Variants in TSKU observed in about 807,000 individuals in gnomAD.
TSKU encodes the protein tsukushi.
In TSKU, 4 loss-of-function variants were observed where a neutral mutation model predicts 11.2. The observed-to-expected ratio is 0.36, with a 90% CI of 0.18 to 0.82. The LOEUF (loss-of-function observed/expected upper bound fraction) is 0.82. Among genes scored for constraint, TSKU ranks in the 40% least tolerant of loss-of-function variants. TSKU has a pLI of 0.50. For synonymous variants in TSKU, 220 were observed against 232.2 expected, an observed-to-expected ratio of 0.95 and a Z score of 0.48; for missense variants, 407 against 482.5, an observed-to-expected ratio of 0.84 and a Z score of 1.47.
chr11:76,791,099 G>A (rs889019541), intron 1 of TSKU, among the ~76,000 whole-genome samples: 2 of 152,196 alleles, frequency 1.3e-5, no homozygotes, highest in African/African-American at 4.8e-5. Context: ...GCAGCAATTT[G>A]CTCCTGCCCT....
intron 1 of TSKU, among the ~76,000 whole-genome samples, chr11:76,790,798 G>T (rs971268243): frequency 6.6e-6 from 1 of 152,164 alleles, no homozygotes; most frequent in African/African-American, 2.4e-5. Flanking sequence ...GACTAATACA[G>T]TAAATTGGTA....
At chr11:76,793,358 C>A (rs1183004262) in intron 1 of TSKU, among the ~76,000 whole-genome samples, 1 of 152,204 alleles carries the variant, frequency 6.6e-6, no homozygotes, top group African/African-American at 2.4e-5. Context: ...GCAGAAATTG[C>A]CACCCTGTAG....
intron 1 of TSKU, among the ~76,000 whole-genome samples, chr11:76,793,981 G>A (rs1168212281): frequency 6.6e-6 from 1 of 152,170 alleles, no homozygotes; most frequent in Non-Finnish European, 1.5e-5. Context: ...AAGGTGGGCA[G>A]GTCCCTGGCC....
intron 1 of TSKU, among the ~76,000 whole-genome samples, chr11:76,790,922 A>G (rs1944362948): frequency 6.6e-6 from 1 of 152,200 alleles, no homozygotes; most frequent in Non-Finnish European, 1.5e-5. Flanking sequence ...AGACAGGAAA[A>G]TGTGGGAAAG....
In TSKU at chr11:76,786,141, A is replaced by G. The variant is rs545837917; in HGVS notation, c.-9+2737A>G. ...ATCCTGCAGGGTTGCACCAATTGTT[A>G]TGTTCCCCACAAAGCAGAAGGGAGC... On this transcript the variant is annotated intron_variant, in intron 1 of 1. Coordinates refer to ENST00000333090, the MANE Select transcript of TSKU (RefSeq NM_015516.4). Among the ~76,000 whole-genome samples the G allele has an allele frequency of 4.6e-5, 7 of 152,336 alleles. No homozygotes were observed. The South Asian group carries it at 1.2e-3, about 27-fold the overall frequency.
In TSKU at chr11:76,784,753, G is replaced by T. The variant is rs1018212923; in HGVS notation, c.-9+1349G>T. Among the ~76,000 whole-genome samples the T allele has an allele frequency of 1.3e-3, 190 of 145,956 alleles. 10 individuals carry two copies. Among genetic ancestry groups the T allele is most frequent in the African/African-American group, 4.2e-3 (156 of 36,990 alleles). On this transcript the variant is annotated intron_variant, in intron 1 of 1. Transcript: ENST00000333090. ...CCTGGGGCTGACCGGAGGTGGGGGG[G>T]GGGGGGTGCTCAGAGCTGCAGGAGC...
At chr11:76,793,654 GC>G (rs1278017419) in intron 1 of TSKU, among the ~76,000 whole-genome samples, 1 of 151,908 alleles carries the variant, frequency 6.6e-6, no homozygotes, top group East Asian at 1.9e-4. Context: ...TGAGGAGCTC[GC>G]CCAGGGGAAC....
intron 1 of TSKU, among the ~76,000 whole-genome samples, chr11:76,784,811 A>C (rs1371722320): frequency 6.6e-6 from 1 of 151,880 alleles, no homozygotes; most frequent in African/African-American, 2.4e-5. Flanking sequence ...TCGCAAAGAT[A>C]ACCGTAAACA....
In TSKU at chr11:76,795,491, A is replaced by G. The variant is rs112028952; in HGVS notation, c.-8-118A>G. On this transcript the variant is annotated intron_variant, in intron 1 of 1. Transcript: ENST00000333090. ...AACTCTGGGGAGTGTTCCAGGAAGC[A>G]TTCCAGGAGGTCGGGGTCTGTGACA... 4.9e-5 allele frequency: 60 copies of G among 1,223,658 alleles called. No homozygotes were observed. The African/African-American group carries it at 7.2e-4, about 15-fold the overall frequency. 75.8% of individuals were successfully genotyped at this position (1,223,658 alleles called of 1,614,324 possible).
At chr11:76,784,985 G>T (rs753372512) in intron 1 of TSKU, among the ~76,000 whole-genome samples, 1 of 152,214 alleles carries the variant, frequency 6.6e-6, no homozygotes, top group Admixed American at 6.5e-5. Context: ...GGTATTGATA[G>T]CCTCTTCTGT....
chr11:76,796,514 C>T lies in TSKU; in HGVS notation c.898C>T (p.Leu300Phe), dbSNP rs537110468. Reference sequence around the variant, plus strand: ...GGTGCCCCTGCCTGAGGCGCTGCTCCTCCACCTCCCGGCACTGCAGAGCGT... The same window carrying T: ...GGTGCCCCTGCCTGAGGCGCTGCTCTTCCACCTCCCGGCACTGCAGAGCGT... ...NLVPLPEALL[L>F]HLPALQSVSV... is the part of the protein sequence containing the mutation. The change falls in exon 2 of 2, where the codon CTC (leucine) becomes TTC (phenylalanine). Residue 300 changes from leucine (L) to phenylalanine (F), a missense_variant. Transcript: ENST00000333090. The surrounding 1 kb of genome is among the most constrained non-coding windows in gnomAD (Gnocchi z 4.1). The T allele has an allele frequency of 1.1e-5, 18 of 1,611,786 alleles. No individual in the cohort carries two copies. In the East Asian group the frequency reaches 1.8e-4, roughly 16 times the overall value.
At chr11:76,790,772 C>G (rs962093665) in intron 1 of TSKU, among the ~76,000 whole-genome samples, 3 of 152,186 alleles carry the variant, frequency 2.0e-5, no homozygotes, top group Non-Finnish European at 4.4e-5. Flanking sequence ...TTGTCTTTAT[C>G]AGCAGCATGA....
At chr11:76,783,555 G>A (rs1459235226) in intron 1 of TSKU, among the ~76,000 whole-genome samples, 151 bp downstream of exon 1, 1 of 152,146 alleles carries the variant, frequency 6.6e-6, no homozygotes, top group Non-Finnish European at 1.5e-5. Context: ...CTCAACTTTC[G>A]TCGGACGCCT....
At position 76,796,297 on chromosome 11, in the gene TSKU, G is replaced by T. The variant is rs760218883; in HGVS notation, c.681G>T (p.Gly227=). ...LAVIGPGAFA[G]LGGLTHLSLA... ...TCATTGGTCCGGGTGCCTTCGCGGG[G>T]CTGGGAGGCCTTACACACCTGTCTC... is the stretch of plus-strand genomic sequence containing the variant. Residue 227 remains glycine, a synonymous_variant, in exon 2 of 2, where the codon GGG becomes GGT. Transcript: ENST00000333090. This position sits in a 1 kb window ranked among gnomAD's most constrained non-coding sequence, Gnocchi z 4.1. 7 of 1,613,226 alleles carry T rather than the reference G, an allele frequency of 4.3e-6. No individual in the cohort carries two copies. In the East Asian group the frequency reaches 1.1e-4, roughly 26 times the overall value.
At chr11:76,791,818 C>T (rs1033737328) in intron 1 of TSKU, 3 of 152,240 alleles carry the variant, frequency 2.0e-5, no homozygotes, top group Admixed American at 6.5e-5. Flanking sequence ...TATGGAAACA[C>T]CTGGATGCCC....
At position 76,796,287 on chromosome 11, in the gene TSKU, C is replaced by T. The variant is rs769827519; in HGVS notation, c.671C>T (p.Ala224Val). ...CCTCTAGCTGTCATTGGTCCGGGTGCCTTCGCGGGGCTGGGAGGCCTTACA... is the reference window on the plus strand; with the variant it reads ...CCTCTAGCTGTCATTGGTCCGGGTGTCTTCGCGGGGCTGGGAGGCCTTACA... ...GNPLAVIGPG[A>V]FAGLGGLTHL... The change falls in exon 2 of 2, where the codon GCC becomes GTC. Residue 224 changes from alanine (A) to valine (V), a missense_variant. Transcript: ENST00000333090. This position sits in a 1 kb window ranked among gnomAD's most constrained non-coding sequence, Gnocchi z 4.1. The T allele has an allele frequency of 3.1e-6, 5 of 1,613,302 alleles. No individual in the cohort carries two copies. Among genetic ancestry groups the T allele is most frequent in the Non-Finnish European group, 2.5e-6 (3 of 1,179,990 alleles).
At chr11:76,787,550 CTGATCCTGCAGGG>C (rs1482879496) in intron 1 of TSKU, among the ~76,000 whole-genome samples, 1 of 152,154 alleles carries the variant, frequency 6.6e-6, no homozygotes, top group Non-Finnish European at 1.5e-5. Context: ...ATCTAACCTG[CTGATCCTGCAGGG>C]TGACTGAACA....
At chr11:76,792,951 T>C (rs1944394142) in intron 1 of TSKU, among the ~76,000 whole-genome samples, 1 of 152,254 alleles carries the variant, frequency 6.6e-6, no homozygotes, top group African/African-American at 2.4e-5. Flanking sequence ...AAAATGGGGA[T>C]GAGACTGCTG....
In TSKU at chr11:76,796,344, C is replaced by T. The variant is rs1944448499; in HGVS notation, c.728C>T (p.Pro243Leu). The change falls in exon 2 of 2, where the codon CCT (proline) becomes CTT (leucine). Residue 243 changes from proline to leucine, a missense_variant. By Grantham distance (98) the Pro-to-Leu change is moderately conservative (BLOSUM62 -3). Coordinates refer to ENST00000333090, the MANE Select transcript of TSKU (RefSeq NM_015516.4). The surrounding 1 kb of genome is among the most constrained non-coding windows in gnomAD (Gnocchi z 4.1). ...HLSLASLQRL[P>L]ELAPSGFREL... ...TCTCTGGCCAGCCTGCAGAGGCTCC[C>T]TGAGCTGGCGCCCAGTGGCTTCCGT... 1 of 1,613,352 alleles carries T rather than the reference C, an allele frequency of 6.2e-7. No homozygotes were observed.
Sources: allele counts gnomAD v4.1 joint callset (sites outside exome capture counted in the v4.1 genomes callset), GRCh38; gene constraint gnomAD v4.1.1; non-coding constraint Gnocchi (gnomAD v3.1); transcripts MANE v1.5; gene names NCBI Gene and HGNC (gene_info 2026-07-23, HGNC 2026-07-21).